DDX10: variants seen among roughly 807,000 people sequenced by gnomAD.
The protein encoded by DDX10 is probable ATP-dependent RNA helicase DDX10.
A neutral mutation model predicts 104.3 loss-of-function variants in DDX10; 74 were observed. The observed-to-expected ratio is 0.71, with a 90% CI of 0.59 to 0.86. The LOEUF (loss-of-function observed/expected upper bound fraction) is 0.86. Among genes scored for constraint, DDX10 ranks in the 40% least tolerant of loss-of-function variants. The pLI, the probability that DDX10 is intolerant of heterozygous loss-of-function variation, is 0.00. For synonymous variants in DDX10, 351 were observed against 353.4 expected (o/e 0.99, Z 0.08); for missense variants, 952 against 1,040.0 (o/e 0.92, Z 1.16).
chr11:108,785,554 C>T (rs959738473), intron 13 of DDX10, among the ~76,000 whole-genome samples: 14 of 152,184 alleles, frequency 9.2e-5, no homozygotes, highest in Non-Finnish European at 1.3e-4. Context: ...TGATAGAATT[C>T]GGGTGTGAAT....
chr11:108,845,044 GA>G (rs1050885923), intron 15 of DDX10, among the ~76,000 whole-genome samples: 2 of 151,456 alleles, frequency 1.3e-5, no homozygotes, highest in Non-Finnish European at 2.9e-5. Context: ...AAAAAATACA[GA>G]AAAAAAACCA....
rs1862071838 is a variant in DDX10 at position 108,804,584 on chromosome 11, T to A, written c.1966-33862T>A. Among the ~76,000 whole-genome samples the A allele has an allele frequency of 1.3e-5, 2 of 152,102 alleles. 1 individual carries two copies. The highest frequency in any genetic ancestry group is 4.1e-4 in the South Asian group (2 of 4,826). On this transcript the variant is annotated intron_variant, in intron 13 of 17. Coordinates refer to ENST00000322536, the MANE Select transcript of DDX10 (RefSeq NM_004398.4). ...ACGTGTTTATTATCTCTTGTTTTCT[T>A]TGGATCAGAAGTCTGGGCACAGCTT... is the stretch of plus-strand genomic sequence containing the variant.
intron 17 of DDX10, among the ~76,000 whole-genome samples, chr11:108,931,182 C>T (rs1685382327): frequency 6.6e-6 from 1 of 152,176 alleles, no homozygotes; most frequent in African/African-American, 2.4e-5. Context: ...AGACTTTCAC[C>T]TTACATGGTA....
chr11:108,797,756 C>T (rs1365504156), intron 13 of DDX10, among the ~76,000 whole-genome samples: 1 of 152,172 alleles, frequency 6.6e-6, no homozygotes, highest in East Asian at 1.9e-4. Flanking sequence ...TATTTGCTGA[C>T]CTTTTCAAAT....
chr11:108,689,752 A>T (rs535580177), intron 7 of DDX10, among the ~76,000 whole-genome samples: 1 of 152,194 alleles, frequency 6.6e-6, no homozygotes, highest in Non-Finnish European at 1.5e-5. Context: ...CTCCTGTACT[A>T]TATTTCAGAT....
intron 17 of DDX10, chr11:108,919,928 T>A (rs1165361120): frequency 6.2e-5 from 9 of 144,244 alleles, no homozygotes; most frequent in Admixed American, 3.6e-4. Context: ...TGGCTGTAAA[T>A]GTTTTGTACC....
intron 16 of DDX10, among the ~76,000 whole-genome samples, chr11:108,916,887 C>T (rs1863757850): frequency 6.6e-6 from 1 of 151,944 alleles, no homozygotes; most frequent in East Asian, 1.9e-4. Flanking sequence ...GCCCACTTAC[C>T]TACCTGCTTG....
chr11:108,773,510 G>A (rs2094365991), intron 13 of DDX10, among the ~76,000 whole-genome samples: 1 of 151,984 alleles, frequency 6.6e-6, no homozygotes, highest in South Asian at 2.1e-4. Context: ...AGATCCATGA[G>A]CCTTTTCTCT....
intron 16 of DDX10, among the ~76,000 whole-genome samples, chr11:108,902,637 G>A (rs1487148405): frequency 6.6e-6 from 1 of 152,044 alleles, no homozygotes; most frequent in Admixed American, 6.6e-5. Context: ...TTAACTTTAA[G>A]TGAGTATAAT....
rs1340761618 is a variant in DDX10, at chr11:108,706,756, A to C, written c.1241A>C (p.Glu414Ala). The change falls in exon 10 of 18, where the codon GAA (glutamate) becomes GCA (alanine). Residue 414 changes from glutamate to alanine, a missense_variant. Physicochemically the swap from Glu to Ala is moderately radical, Grantham distance 107. Transcript: ENST00000322536. ...GRTARYKEDG[E>A]ALLILLPSEK... ...TTGTTTAGGTACAAAGAGGATGGTG[A>C]AGCTTTGCTAATTTTGCTACCCTCA... The C allele has an allele frequency of 2.5e-6, 4 of 1,613,820 alleles. No individual in the cohort carries two copies. Among genetic ancestry groups the C allele is most frequent in the Non-Finnish European group, 3.4e-6 (4 of 1,179,854 alleles).
intron 13 of DDX10, among the ~76,000 whole-genome samples, chr11:108,770,563 A>G (rs916357751): frequency 1.5e-5 from 2 of 129,876 alleles, no homozygotes; most frequent in Admixed American, 2.0e-4. Context: ...CTCTCTGTCC[A>G]TGAGTTCAAT....
intron 13 of DDX10, among the ~76,000 whole-genome samples, chr11:108,735,124 A>G (rs1297836632): frequency 6.6e-6 from 1 of 152,244 alleles, no homozygotes; most frequent in African/African-American, 2.4e-5. Context: ...CACGGTTTCA[A>G]GTCCAAGGCA....
intron 13 of DDX10, among the ~76,000 whole-genome samples, chr11:108,737,205 A>G (rs2094319437): frequency 1.3e-5 from 2 of 152,196 alleles, no homozygotes; most frequent in South Asian, 4.1e-4. Flanking sequence ...AACATCTATG[A>G]TTTTTGTTTT....
At chr11:108,765,047 G>A (rs1479869898) in intron 13 of DDX10, among the ~76,000 whole-genome samples, 1 of 152,116 alleles carries the variant, frequency 6.6e-6, no homozygotes, top group Non-Finnish European at 1.5e-5. Context: ...TTTTATGCAA[G>A]GTTTCAATAG....
At chr11:108,678,726 A>AT (rs1441029224) in intron 5 of DDX10, among the ~76,000 whole-genome samples, 2 of 148,986 alleles carry the variant, frequency 1.3e-5, no homozygotes, top group African/African-American at 4.8e-5. Context: ...TCAAATTGGC[A>AT]TTTTTTTAAA....
chr11:108,786,474 A>ATAAT (rs1861792292), intron 13 of DDX10, among the ~76,000 whole-genome samples: 2 of 151,356 alleles, frequency 1.3e-5, no homozygotes, highest in Non-Finnish European at 3.0e-5. Flanking sequence ...CTATTGTGTA[A>ATAAT]TAATGGCGGT....
intron 1 of DDX10, among the ~76,000 whole-genome samples, chr11:108,669,136 C>T (rs1395300745): frequency 1.3e-5 from 2 of 151,640 alleles, no homozygotes; most frequent in Non-Finnish European, 2.9e-5. Context: ...CTCTATCACC[C>T]AGGCTAGAGT....
At chr11:108,784,646 G>GT (rs1861762342) in intron 13 of DDX10, among the ~76,000 whole-genome samples, 1 of 152,184 alleles carries the variant, frequency 6.6e-6, no homozygotes, top group African/African-American at 2.4e-5. Flanking sequence ...TCTGTAGGCT[G>GT]TTTACTCTGT....
At chr11:108,825,071 G>T (rs1473614384) in intron 13 of DDX10, among the ~76,000 whole-genome samples, 1 of 152,148 alleles carries the variant, frequency 6.6e-6, no homozygotes, top group Admixed American at 6.5e-5. Context: ...TAGGGGTTGG[G>T]TGAAGAACAG....
Sources: allele counts gnomAD v4.1 joint callset (sites outside exome capture counted in the v4.1 genomes callset), GRCh38; gene constraint gnomAD v4.1.1; transcripts MANE v1.5; gene names NCBI Gene and HGNC (gene_info 2026-07-23, HGNC 2026-07-21).